The following CFAP45 variants were observed in gnomAD, a reference collection of about 807,000 sequenced individuals.
CFAP45 encodes cilia and flagella associated protein 45, also known as cilia- and flagella-associated protein 45.
CFAP45 carries 43 observed loss-of-function variants against 75.6 expected under a neutral mutation model. The ratio of observed to expected loss-of-function variants is 0.57; its 90% CI spans 0.45 to 0.73. CFAP45 has a LOEUF of 0.73. Ranked by LOEUF, CFAP45 falls within the 30% of genes least tolerant of loss-of-function variation. The pLI is 0.00. For synonymous variants in CFAP45, 223 were observed against 244.6 expected, an observed-to-expected ratio of 0.91 and a Z score of 0.82; for missense variants, 689 against 701.5, an observed-to-expected ratio of 0.98 and a Z score of 0.20.
At chr1:159,890,328 A>C (rs902840124) in intron 3 of CFAP45, 152 bp downstream of exon 3, 35 of 718,740 alleles carry the variant, frequency 4.9e-5, no homozygotes, top group African/African-American at 4.2e-4. Context: ...GAAGAAAGAA[A>C]GAACTATCAA....
At chr1:159,889,448 T>C (rs1232594057) in intron 3 of CFAP45, among the ~76,000 whole-genome samples, 2 of 152,032 alleles carry the variant, frequency 1.3e-5, no homozygotes, top group Admixed American at 6.5e-5. Context: ...AATGAGTGAG[T>C]AGATTTGCAG....
At chr1:159,886,258 T>G (rs1017978112) in intron 6 of CFAP45, among the ~76,000 whole-genome samples, 4 of 151,988 alleles carry the variant, frequency 2.6e-5, no homozygotes, top group African/African-American at 9.7e-5. Context: ...GAGAATCGCT[T>G]GAACCCGGGA....
chr1:159,886,839 A>G lies in CFAP45; in HGVS notation c.589-150T>C, dbSNP rs549678767. ...GGGAAATAAGAATGTTCTTATATTT[A>G]CCTTTCCCCTTAATATAGTTTAGCT... On this transcript the variant is annotated intron_variant, in intron 5 of 11. Coordinates refer to ENST00000368099, the MANE Select transcript of CFAP45 (RefSeq NM_012337.3). The G allele has an allele frequency of 3.9e-4, 262 of 679,042 alleles. 2 individuals are homozygous for G. Among genetic ancestry groups the G allele is most frequent in the Middle Eastern group, 3.4e-3 (8 of 2,368 alleles). 42.1% of individuals were successfully genotyped at this position (679,042 alleles called of 1,614,324 possible).
chr1:159,877,428 C>T lies in CFAP45; in HGVS notation c.1079G>A (p.Arg360Lys), dbSNP rs764912939. The change falls in exon 9 of 12, where the codon AGA becomes AAA. Residue 360 changes from arginine to lysine, a missense_variant. Arg to Lys is a conservative substitution (Grantham distance 26). Coordinates refer to ENST00000368099, the MANE Select transcript of CFAP45 (RefSeq NM_012337.3). Reference sequence around the variant, plus strand: ...CTCCTTCTCTTTCTCCCTCCGGATTCTCTCCTGCTCAGCCTCAAACTCTGC... The same window carrying T: ...CTCCTTCTCTTTCTCCCTCCGGATTTTCTCCTGCTCAGCCTCAAACTCTGC... ...REAEFEAEQE[R>K]IRREKEKEIA... 5 of 1,614,024 alleles carry T rather than the reference C, an allele frequency of 3.1e-6. No homozygotes were observed.
At chr1:159,884,688 T>C in intron 6 of CFAP45, 123 bp from the exon 7 acceptor site, 1 of 963,030 alleles carries the variant, frequency 1.0e-6, no homozygotes. Flanking sequence ...AAGTGCCCCC[T>C]AAACATGAAT....
intron 10 of CFAP45, among the ~76,000 whole-genome samples, chr1:159,875,778 C>T (rs564607308): frequency 6.6e-6 from 1 of 152,290 alleles, no homozygotes; most frequent in Non-Finnish European, 1.5e-5. Flanking sequence ...GCCCCAGGGA[C>T]CAGGTCTGAC....
At chr1:159,884,948 C>CAAAA (rs759179823) in intron 6 of CFAP45, among the ~76,000 whole-genome samples, 3 of 151,762 alleles carry the variant, frequency 2.0e-5, no homozygotes, top group Non-Finnish European at 4.4e-5. Context: ...AGTAAAAAGC[C>CAAAA]AAACAAACAA....
intron 1 of CFAP45, among the ~76,000 whole-genome samples, chr1:159,896,152 C>G (rs181743576): frequency 3.5e-4 from 53 of 152,314 alleles, no homozygotes; most frequent in African/African-American, 1.3e-3. Flanking sequence ...TGTCTGTTTT[C>G]AAGGACTCCA....
Position 159,880,712 on chromosome 1 carries a change from A to C in CFAP45, c.898-12T>G, listed in dbSNP as rs760274621. 2.8e-5 allele frequency: 45 copies of C among 1,613,486 alleles called. No individual in the cohort carries two copies. The highest frequency in any genetic ancestry group is 6.6e-5 in the South Asian group (6 of 90,984). The stretch of plus-strand genomic sequence containing the variant: ...CTTCGTTCCATGTCCTGCCAGCAAA[A>C]GAAAGAGAGCCTCAGAGTACAAAGA... On this transcript the variant is annotated splice_polypyrimidine_tract_variant and intron_variant, in intron 7 of 11. Transcript: ENST00000368099.
At chr1:159,878,534 C>T (rs1649461583) in intron 8 of CFAP45, among the ~76,000 whole-genome samples, 1 of 151,832 alleles carries the variant, frequency 6.6e-6, no homozygotes, top group Non-Finnish European at 1.5e-5. Context: ...GCAGGCAGAT[C>T]ATGACGTAAA....
Position 159,893,294 on chromosome 1 carries a change from T to A in CFAP45, c.15A>T (p.Thr5=). 6.2e-7 allele frequency: 1 copy of A among 1,613,210 alleles called. No individual in the cohort carries two copies. Among genetic ancestry groups the A allele is most frequent in the Non-Finnish European group, 8.5e-7 (1 of 1,179,884 alleles). ...CAGAAGAGGAGCTCAGGATGCCAGC[T>A]GTGCTTAGTGGCTGCAGGAAGAGGC... is the stretch of plus-strand genomic sequence containing the variant. MPLS[T]AGILSSSSAA... The change falls in exon 2 of 12, where the codon ACA becomes ACT. Residue 5 remains threonine, a synonymous_variant. Coordinates refer to ENST00000368099, the MANE Select transcript of CFAP45 (RefSeq NM_012337.3).
Position 159,887,872 on chromosome 1 carries a change from T to A in CFAP45, c.557A>T (p.Glu186Val). The change falls in exon 5 of 12, where the codon GAG (glutamate) becomes GTG (valine). Residue 186 changes from glutamate to valine, a missense_variant. Glu to Val is a moderately radical substitution (Grantham distance 121). Transcript: ENST00000368099. Reference sequence around the variant, plus strand: ...CATGTCCTTGAGCTCCTCCTCCTGCTCCATCCGCAGCTTGTTGGCTCTCTG... The same window carrying A: ...CATGTCCTTGAGCTCCTCCTCCTGCACCATCCGCAGCTTGTTGGCTCTCTG... ...LLQRANKLRM[E>V]QEEELKDMSK... The A allele has an allele frequency of 6.2e-7, 1 of 1,614,080 alleles. No homozygotes were observed. Among genetic ancestry groups the A allele is most frequent in the Non-Finnish European group, 8.5e-7 (1 of 1,179,940 alleles).
intron 11 of CFAP45, 150 bp downstream of exon 11, chr1:159,872,794 A>T: frequency 1.2e-6 from 1 of 839,012 alleles, no homozygotes; most frequent in Non-Finnish European, 1.9e-6. Flanking sequence ...AGCCCCCTTC[A>T]GAGGGATGAG....
rs572544657 is a variant in CFAP45, at chr1:159,889,814, G to T, written c.272+666C>A. ...CACAGGTAGGATTTTCTGGGAATTA[G>T]GGCTTTTAGTGGGTGGAGCCAGGGC... On this transcript the variant is annotated intron_variant, in intron 3 of 11. Transcript: ENST00000368099. 8.5e-5 allele frequency among the ~76,000 whole-genome samples: 13 copies of T among 152,326 alleles called. No individual in the cohort carries two copies. The East Asian group carries it at 2.5e-3, about 29-fold the overall frequency.
chr1:159,886,578 C>A lies in CFAP45; in HGVS notation c.700G>T (p.Val234Leu). Residue 234 changes from valine to leucine, a missense_variant, in exon 6 of 12, where the codon GTG becomes TTG. Val to Leu is a conservative substitution (Grantham distance 32). Transcript: ENST00000368099. ...EEKRLDQMME[V>L]ERQKSIQRQE... Reference sequence around the variant, plus strand: ...CTTTGAATGGATTTCTGCCGCTCCACTTCCATCATCTGATCCAACCGCTTC... The same window carrying A: ...CTTTGAATGGATTTCTGCCGCTCCAATTCCATCATCTGATCCAACCGCTTC... 6.2e-7 allele frequency: 1 copy of A among 1,614,188 alleles called. No individual in the cohort carries two copies. The highest frequency in any genetic ancestry group is 8.5e-7 in the Non-Finnish European group (1 of 1,180,018).
At chr1:159,889,126 C>T (rs1188238299) in intron 3 of CFAP45, among the ~76,000 whole-genome samples, 1 of 152,172 alleles carries the variant, frequency 6.6e-6, no homozygotes, top group Non-Finnish European at 1.5e-5. Flanking sequence ...AAGCTTTGAA[C>T]TGTAAATATT....
intron 1 of CFAP45, among the ~76,000 whole-genome samples, chr1:159,897,394 T>C (rs1649977754): frequency 6.6e-6 from 1 of 151,980 alleles, no homozygotes; most frequent in Admixed American, 6.6e-5. Context: ...GACCAGCCTG[T>C]CCAACATGGT....
chr1:159,880,709 A>C lies in CFAP45; in HGVS notation c.898-9T>G. The C allele has an allele frequency of 6.2e-7, 1 of 1,613,676 alleles. No individual in the cohort carries two copies. Among genetic ancestry groups the C allele is most frequent in the African/African-American group, 1.3e-5 (1 of 75,022 alleles). On this transcript the variant is annotated splice_polypyrimidine_tract_variant and intron_variant, in intron 7 of 11. Transcript: ENST00000368099. ...TGCCTTCGTTCCATGTCCTGCCAGCAAAAGAAAGAGAGCCTCAGAGTACAA... is the reference window on the plus strand; with the variant it reads ...TGCCTTCGTTCCATGTCCTGCCAGCCAAAGAAAGAGAGCCTCAGAGTACAA...
Position 159,893,301 on chromosome 1 carries a change from A to C in CFAP45, c.8T>G (p.Leu3Arg). Reference protein sequence around the residue: MPLSTAGILSSSS... With the variant: MPRSTAGILSSSS... Reference sequence around the variant, plus strand: ...GGAGCTCAGGATGCCAGCTGTGCTTAGTGGCTGCAGGAAGAGGCAGAAAGT... The same window carrying C: ...GGAGCTCAGGATGCCAGCTGTGCTTCGTGGCTGCAGGAAGAGGCAGAAAGT... Residue 3 changes from leucine (L) to arginine (R), a missense_variant, in exon 2 of 12, where the codon CTA becomes CGA. Physicochemically the swap from Leu to Arg is moderately radical, Grantham distance 102. Transcript: ENST00000368099. The C allele has an allele frequency of 6.2e-7, 1 of 1,612,954 alleles. No homozygotes were observed. Among genetic ancestry groups the C allele is most frequent in the Non-Finnish European group, 8.5e-7 (1 of 1,179,802 alleles).
Sources: allele counts gnomAD v4.1 joint callset (sites outside exome capture counted in the v4.1 genomes callset), GRCh38; gene constraint gnomAD v4.1.1; transcripts MANE v1.5; gene names NCBI Gene and HGNC (gene_info 2026-07-23, HGNC 2026-07-21).